Variants in SMARCB1 observed in about 807,000 individuals in gnomAD.
The protein encoded by SMARCB1 is SWI/SNF related BAF chromatin remodeling complex subunit B1.
In SMARCB1, 5 loss-of-function variants were observed where a neutral mutation model predicts 49.0. The observed-to-expected ratio is 0.10, with a 90% confidence interval of 0.05 to 0.21. SMARCB1 has a LOEUF of 0.21. Among genes scored for constraint, SMARCB1 ranks in the 10% least tolerant of loss-of-function variants. SMARCB1 has a pLI of 1.00. For missense variants in SMARCB1, 226 were observed against 509.2 expected (o/e 0.44, Z 5.35); for synonymous variants, 201 against 200.1 (o/e 1.00, Z -0.04).
intron 5 of SMARCB1, among the ~76,000 whole-genome samples, chr22:23,808,297 T>A (rs570345040): frequency 3.7e-4 from 57 of 152,274 alleles, no homozygotes; most frequent in African/African-American, 1.1e-3. Context: ...ATTTTTTGTA[T>A]TTTTTAGTAG....
At chr22:23,796,876 T>C (rs890971755) in intron 3 of SMARCB1, among the ~76,000 whole-genome samples, 1 of 152,120 alleles carries the variant, frequency 6.6e-6, no homozygotes, top group African/African-American at 2.4e-5. Context: ...GGCTCCACAC[T>C]ACTCAGTCAG....
intron 5 of SMARCB1, among the ~76,000 whole-genome samples, chr22:23,807,172 G>C (rs1929547074): frequency 6.6e-6 from 1 of 152,194 alleles, no homozygotes; most frequent in Admixed American, 6.5e-5. Context: ...GGAACAAGGG[G>C]ATCCCCTCAG....
intron 3 of SMARCB1, among the ~76,000 whole-genome samples, chr22:23,797,970 A>G (rs1019245081): frequency 3.9e-5 from 6 of 152,164 alleles, no homozygotes; most frequent in African/African-American, 1.4e-4. Flanking sequence ...ATGGCTGAGC[A>G]TGTTACTCAC....
intron 3 of SMARCB1, among the ~76,000 whole-genome samples, chr22:23,797,970 A>T (rs1019245081): frequency 6.6e-6 from 1 of 152,164 alleles, no homozygotes; most frequent in Admixed American, 6.5e-5. Flanking sequence ...ATGGCTGAGC[A>T]TGTTACTCAC....
chr22:23,831,674 C>A (rs970027439), intron 7 of SMARCB1, among the ~76,000 whole-genome samples: 3 of 152,152 alleles, frequency 2.0e-5, no homozygotes, highest in Non-Finnish European at 2.9e-5. Flanking sequence ...AACAAAGGAC[C>A]CTCTGGGACC....
At chr22:23,797,561 C>G (rs1274843207) in intron 3 of SMARCB1, among the ~76,000 whole-genome samples, 1 of 148,164 alleles carries the variant, frequency 6.7e-6, no homozygotes, top group African/African-American at 2.5e-5. Context: ...CCGCCCACCT[C>G]GGCCTCCCAA....
chr22:23,837,540 G>T lies in SMARCB1; in HGVS notation c.*3360G>T. 1 of 1,075,746 alleles carries T rather than the reference G, an allele frequency of 9.3e-7. No homozygotes were observed. The highest frequency in any genetic ancestry group is 1.3e-6 in the Non-Finnish European group (1 of 752,118). The allele number at this position is 1,075,746 out of a possible 1,614,324, so 66.6% of individuals were successfully genotyped here. ...GCAGCTGGGAGGGCAGGAAGATGGG[G>T]ATGGAGCCAGGTGTGAGGAGAACTC... On this transcript the variant is annotated 3_prime_UTR_variant, in exon 9 of 9. Transcript: ENST00000644036.
At chr22:23,830,649 CTTTTTTTTTTTTTT>C (rs56800497) in intron 7 of SMARCB1, among the ~76,000 whole-genome samples, 4 of 95,424 alleles carry the variant, frequency 4.2e-5, no homozygotes, top group East Asian at 7.5e-4. Context: ...TCCAATTTAT[CTTTTTTTTTTTTTT>C]TTTTTTTTTT....
In SMARCB1 at chr22:23,814,778, T is replaced by C. The variant is rs149419815; in HGVS notation, c.629-1992T>C. 4.5e-3 allele frequency among the ~76,000 whole-genome samples: 638 copies of C among 143,158 alleles called. 1 individual carries two copies. Among genetic ancestry groups the C allele is most frequent in the African/African-American group, 0.016 (612 of 38,326 alleles). The allele number at this position is 143,158 out of a possible 152,430, so 93.9% of individuals were successfully genotyped here. A position where few individuals can be genotyped will look rare whatever the true frequency, so the allele number is the denominator to read the frequency against. On this transcript the variant is annotated intron_variant, in intron 5 of 8. Transcript: ENST00000644036. ...CTGAGGTCAGGAGTTTGAGACCAGCTTGACCAACGTGGAGAAACCTCGTCT... is the reference window on the plus strand; with the variant it reads ...CTGAGGTCAGGAGTTTGAGACCAGCCTGACCAACGTGGAGAAACCTCGTCT...
intron 5 of SMARCB1, among the ~76,000 whole-genome samples, chr22:23,805,704 C>T (rs1409565409): frequency 1.3e-5 from 2 of 152,142 alleles, no homozygotes; most frequent in Admixed American, 6.5e-5. Flanking sequence ...GGGATTTCAC[C>T]ATATTGGTCA....
At chr22:23,801,229 T>C (rs1568941863) in intron 4 of SMARCB1, 148 bp downstream of exon 4, 5 of 1,133,994 alleles carry the variant, frequency 4.4e-6, no homozygotes, top group Non-Finnish European at 6.5e-6. Context: ...TGAACTGTTG[T>C]GTTTCCCTGA....
chr22:23,831,690 G>T (rs183907869), intron 7 of SMARCB1, among the ~76,000 whole-genome samples: 174 of 152,316 alleles, frequency 1.1e-3, no homozygotes, highest in African/African-American at 3.9e-3. Flanking sequence ...GGACCCACTC[G>T]CCAGCTCTTG....
At chr22:23,821,482 A>G (rs1357580467) in intron 6 of SMARCB1, among the ~76,000 whole-genome samples, 1 of 151,824 alleles carries the variant, frequency 6.6e-6, no homozygotes, top group Non-Finnish European at 1.5e-5. Flanking sequence ...TTATCCTGCC[A>G]TCTTGGCCTC....
In SMARCB1 at chr22:23,837,616, G is replaced by C; in HGVS notation, c.*3436G>C. 6.3e-7 allele frequency: 1 copy of C among 1,587,596 alleles called. No individual in the cohort carries two copies. The highest frequency in any genetic ancestry group is 1.1e-5 in the South Asian group (1 of 88,110). Reference sequence around the variant, plus strand: ...GGGCATAAGCAGCGTGTCCTGAGGGGAGTGGCCAGCCTGGGGCGGACTAGA... The same window carrying C: ...GGGCATAAGCAGCGTGTCCTGAGGGCAGTGGCCAGCCTGGGGCGGACTAGA... On this transcript the variant is annotated 3_prime_UTR_variant, in exon 9 of 9. Coordinates refer to ENST00000644036, the MANE Select transcript of SMARCB1 (RefSeq NM_003073.5).
chr22:23,830,074 TG>T (rs2030576231), intron 7 of SMARCB1, among the ~76,000 whole-genome samples: 1 of 152,236 alleles, frequency 6.6e-6, no homozygotes, highest in Admixed American at 6.5e-5. Context: ...ACTTTTGGGT[TG>T]TTTCCATTTT....
chr22:23,789,652 TC>T (rs1202467981), intron 1 of SMARCB1, among the ~76,000 whole-genome samples: 7 of 152,230 alleles, frequency 4.6e-5, no homozygotes, highest in Non-Finnish European at 8.8e-5. Flanking sequence ...CTCCTGGGCC[TC>T]CCAGTAAGAA....
chr22:23,828,056 TTTTTG>T (rs1298706790), intron 7 of SMARCB1, among the ~76,000 whole-genome samples: 1 of 152,046 alleles, frequency 6.6e-6, no homozygotes, highest in Non-Finnish European at 1.5e-5. Flanking sequence ...GTCACATGAC[TTTTTG>T]TTTTGTTTTG....
rs2145982887 is a variant in SMARCB1, at chr22:23,803,358, C to T, written c.564C>T (p.Pro188=). The T allele has an allele frequency of 6.2e-7, 1 of 1,614,218 alleles. No homozygotes were observed. The highest frequency in any genetic ancestry group is 1.3e-5 in the African/African-American group (1 of 75,074). ...CATCTCAGCCCGAGGTGCTGGTCCC[C>T]ATCCGGCTGGACATGGAGATCGATG... The part of the protein sequence containing the change: ...ENASQPEVLV[P]IRLDMEIDGQ... Residue 188 remains proline, a synonymous_variant, in exon 5 of 9, where the codon CCC becomes CCT. Coordinates refer to ENST00000644036, the MANE Select transcript of SMARCB1 (RefSeq NM_003073.5).
chr22:23,803,349 G>T lies in SMARCB1; in HGVS notation c.555G>T (p.Val185=). Residue 185 remains valine (V), a synonymous_variant, in exon 5 of 9, where the codon GTG becomes GTT. Coordinates refer to ENST00000644036, the MANE Select transcript of SMARCB1 (RefSeq NM_003073.5). ...VIHENASQPE[V]LVPIRLDMEI... ...ATGAGAACGCATCTCAGCCCGAGGT[G>T]CTGGTCCCCATCCGGCTGGACATGG... 1 of 1,614,210 alleles carries T rather than the reference G, an allele frequency of 6.2e-7. No homozygotes were observed. Among genetic ancestry groups the T allele is most frequent in the South Asian group, 1.1e-5 (1 of 91,082 alleles).
Sources: allele counts gnomAD v4.1 joint callset (sites outside exome capture counted in the v4.1 genomes callset), GRCh38; gene constraint gnomAD v4.1.1; transcripts MANE v1.5; gene names NCBI Gene and HGNC (gene_info 2026-07-23, HGNC 2026-07-21).